TKT: variants seen among roughly 807,000 people sequenced by gnomAD.
TKT encodes the protein epididymis luminal protein 107.
Under a neutral mutation model 63.9 loss-of-function variants are expected in TKT, and 47 were observed. The observed-to-expected ratio is 0.74, with a 90% CI of 0.58 to 0.94. The LOEUF is 0.94. TKT is among the 40% of genes least tolerant of loss of function. The probability of loss-of-function intolerance (pLI) is 0.00; values close to 1 mark genes in which losing one functional copy is unlikely to be tolerated. For synonymous variants in TKT, 338 were observed against 334.1 expected (o/e 1.01, Z -0.13); for missense variants, 721 against 846.2 (o/e 0.85, Z 1.84).
At chr3:53,226,086 T>A in intron 13 of TKT, 155 bp from the exon 14 acceptor site, 1 of 640,478 alleles carries the variant, frequency 1.6e-6, no homozygotes, top group Non-Finnish European at 2.5e-6. Flanking sequence ...CTCATTGATT[T>A]TTTTTATTTT....
chr3:53,251,110 G>C (rs1019939716), intron 1 of TKT, among the ~76,000 whole-genome samples: 2 of 152,234 alleles, frequency 1.3e-5, no homozygotes, highest in African/African-American at 2.4e-5. Context: ...ACTAGGAACA[G>C]AGCCAGGGTT....
chr3:53,232,159 A>C (rs1704794887), intron 6 of TKT: 1 of 393,690 alleles, frequency 2.5e-6, no homozygotes, highest in Non-Finnish European at 4.5e-6. Flanking sequence ...GGCCAGAGCC[A>C]AGAACAGACT....
chr3:53,235,788 T>G (rs1704999752), intron 4 of TKT, among the ~76,000 whole-genome samples: 1 of 152,218 alleles, frequency 6.6e-6, no homozygotes, highest in African/African-American at 2.4e-5. Flanking sequence ...AGACTAGCTC[T>G]TGACCCCAAG....
chr3:53,235,237 C>A (rs144641773), intron 4 of TKT, 63 bp from the exon 5 acceptor site: 10 of 1,406,154 alleles, frequency 7.1e-6, no homozygotes, highest in East Asian at 2.7e-5. Flanking sequence ...TCCCACCCCC[C>A]CACCCATCCA....
At chr3:53,251,620 G>A (rs1553681665) in intron 1 of TKT, among the ~76,000 whole-genome samples, 3 of 152,208 alleles carry the variant, frequency 2.0e-5, no homozygotes, top group South Asian at 2.1e-4. Flanking sequence ...ATCGAGAAAC[G>A]AGCCTGGGTC....
At chr3:53,230,691 T>C in intron 7 of TKT, 70 bp from the exon 8 acceptor site, 4 of 1,572,498 alleles carry the variant, frequency 2.5e-6, no homozygotes, top group South Asian at 1.1e-5. Flanking sequence ...CCTGGAGCCC[T>C]GCTTTCAGAG....
intron 1 of TKT, among the ~76,000 whole-genome samples, chr3:53,242,742 TGAA>T: frequency 1.3e-5 from 2 of 152,056 alleles, no homozygotes; most frequent in Non-Finnish European, 2.9e-5. Context: ...TGCCCACTTG[TGAA>T]GGGCACCCTG....
At chr3:53,252,338 T>C (rs1705786217) in intron 1 of TKT, among the ~76,000 whole-genome samples, 1 of 152,238 alleles carries the variant, frequency 6.6e-6, no homozygotes. Context: ...GAAGACTACC[T>C]GTGTCTCAAG....
At chr3:53,241,322 C>A (rs1705264988) in intron 2 of TKT, 77 bp from the exon 3 acceptor site, 7 of 1,317,564 alleles carry the variant, frequency 5.3e-6, no homozygotes, top group Non-Finnish European at 6.1e-6. Flanking sequence ...TCACACTGAC[C>A]CCTGGGGCCC....
At position 53,225,806 on chromosome 3, in the gene TKT, C is replaced by T. The variant is rs1553675327; in HGVS notation, c.1822G>A (p.Asp608Asn). Residue 608 changes from aspartate to asparagine, a missense_variant, in exon 14 of 14, where the codon GAC becomes AAC. Coordinates refer to ENST00000462138, the MANE Select transcript of TKT (RefSeq NM_001064.4). ...PAELLKMFGI[D>N]RDAIAQAVRG... ...ACAGCTTGTGCAATGGCATCCCTGT[C>T]GATACCAAACATCTTCAGCAGCTCA... is the stretch of plus-strand genomic sequence containing the variant. 2 of 1,613,954 alleles carry T rather than the reference C, an allele frequency of 1.2e-6. No homozygotes were observed. The highest frequency in any genetic ancestry group is 1.3e-5 in the African/African-American group (1 of 74,906).
intron 1 of TKT, among the ~76,000 whole-genome samples, chr3:53,254,746 G>A (rs915224289): frequency 1.3e-5 from 2 of 152,240 alleles, no homozygotes; most frequent in Non-Finnish European, 2.9e-5. Context: ...CCGCTTTACA[G>A]AGCGGGAAGC....
chr3:53,225,615 A>C lies in TKT; in HGVS notation c.*141T>G. On this transcript the variant is annotated 3_prime_UTR_variant, in exon 14 of 14. Transcript: ENST00000462138. The stretch of plus-strand genomic sequence containing the variant: ...TTCCCCAGAACCTGCACTGGCTGCA[A>C]ACACATCAAAAAAGAAAACATTTCA... The C allele has an allele frequency of 3.7e-6, 4 of 1,068,990 alleles. No homozygotes were observed. The highest frequency in any genetic ancestry group is 5.2e-6 in the Non-Finnish European group (4 of 765,248). 66.2% of individuals were successfully genotyped at this position (1,068,990 alleles called of 1,614,324 possible).
At chr3:53,255,659 A>T (rs1008221554) in intron 1 of TKT, among the ~76,000 whole-genome samples, 177 bp downstream of exon 1, 1 of 151,934 alleles carries the variant, frequency 6.6e-6, no homozygotes, top group South Asian at 2.1e-4. Context: ...GGCGCAGCGG[A>T]AGCCGCCTGC....
chr3:53,242,383 T>G, intron 1 of TKT, 141 bp from the exon 2 acceptor site: 13 of 771,918 alleles, frequency 1.7e-5, no homozygotes, highest in Non-Finnish European at 1.9e-5. Context: ...CGAGCTCTTG[T>G]TCCCTGGGAG....
chr3:53,226,049 A>C (rs1575557478), intron 13 of TKT, 118 bp from the exon 14 acceptor site: 4 of 905,148 alleles, frequency 4.4e-6, no homozygotes. Flanking sequence ...GCCTTTCTCC[A>C]CCTGTAGCCA....
chr3:53,253,438 C>G (rs1011888722), intron 1 of TKT, among the ~76,000 whole-genome samples: 6 of 152,240 alleles, frequency 3.9e-5, no homozygotes, highest in Non-Finnish European at 8.8e-5. Flanking sequence ...TCCCATGTAG[C>G]TGGGACTACA....
intron 5 of TKT, chr3:53,233,708 G>A (rs1051696011): frequency 1.3e-5 from 2 of 154,042 alleles, no homozygotes; most frequent in Non-Finnish European, 2.9e-5. Context: ...TGGATGTGGT[G>A]CTGGAAATGT....
At chr3:53,244,422 C>T (rs895992696) in intron 1 of TKT, among the ~76,000 whole-genome samples, 1 of 152,124 alleles carries the variant, frequency 6.6e-6, no homozygotes. Flanking sequence ...AGTGAGATAA[C>T]GCAGCATGCA....
At chr3:53,228,583 C>T (rs1453618882) in intron 10 of TKT, 3 of 558,386 alleles carry the variant, frequency 5.4e-6, no homozygotes, top group African/African-American at 1.9e-5. Context: ...GGCAACTTTC[C>T]ACCAGGTAGA....
Sources: allele counts gnomAD v4.1 joint callset (sites outside exome capture counted in the v4.1 genomes callset), GRCh38; gene constraint gnomAD v4.1.1; transcripts MANE v1.5; gene names NCBI Gene and HGNC (gene_info 2026-07-23, HGNC 2026-07-21).